The following FGGY variants were observed in gnomAD, a reference collection of about 807,000 sequenced individuals.
FGGY encodes FGGY carbohydrate kinase domain containing.
In FGGY, 72 loss-of-function variants were observed where a neutral mutation model predicts 71.3. The ratio of observed to expected loss-of-function variants is 1.01; its 90% CI spans 0.84 to 1.23. The LOEUF (loss-of-function observed/expected upper bound fraction) is 1.23. FGGY is among the 50% of genes most tolerant of loss of function. The probability of loss-of-function intolerance (pLI) is 0.00; values close to 1 mark genes in which losing one functional copy is unlikely to be tolerated. For synonymous variants in FGGY, 251 were observed against 250.3 expected (o/e 1.00, Z -0.02); for missense variants, 668 against 682.3 (o/e 0.98, Z 0.23).
intron 1 of FGGY, among the ~76,000 whole-genome samples, chr1:59,314,619 G>GA (rs1454435214): frequency 6.6e-6 from 1 of 152,174 alleles, no homozygotes; most frequent in Non-Finnish European, 1.5e-5. Flanking sequence ...CAAGCATCTG[G>GA]TTTCCTATTC....
At chr1:59,424,709 A>G (rs1353307643) in intron 5 of FGGY, among the ~76,000 whole-genome samples, 2 of 152,176 alleles carry the variant, frequency 1.3e-5, no homozygotes, top group African/African-American at 2.4e-5. Context: ...TTGTCTTGGC[A>G]ATTATGTCTT....
At chr1:59,652,967 T>C (rs2097179392) in intron 11 of FGGY, among the ~76,000 whole-genome samples, 1 of 151,972 alleles carries the variant, frequency 6.6e-6, no homozygotes, top group Non-Finnish European at 1.5e-5. Flanking sequence ...GTTTTCCTTC[T>C]AACAGACAGG....
intron 9 of FGGY, among the ~76,000 whole-genome samples, chr1:59,611,831 C>A (rs976713777): frequency 6.6e-6 from 1 of 152,164 alleles, no homozygotes; most frequent in Non-Finnish European, 1.5e-5. Flanking sequence ...AAAACCATGG[C>A]ACGAGAACTA....
At chr1:59,729,070 T>C (rs1220296463) in intron 14 of FGGY, among the ~76,000 whole-genome samples, 2 of 152,080 alleles carry the variant, frequency 1.3e-5, no homozygotes, top group Non-Finnish European at 2.9e-5. Context: ...CCCTCCATTC[T>C]TTTTTCTTTT....
chr1:59,716,752 T>A (rs1453036247), intron 14 of FGGY, among the ~76,000 whole-genome samples: 1 of 152,174 alleles, frequency 6.6e-6, no homozygotes, highest in Admixed American at 6.5e-5. Flanking sequence ...TCAAGTTTCC[T>A]GGTCAAATGT....
At chr1:59,481,109 T>C (rs1012528153) in intron 6 of FGGY, among the ~76,000 whole-genome samples, 1 of 152,228 alleles carries the variant, frequency 6.6e-6, no homozygotes, top group South Asian at 2.1e-4. Flanking sequence ...GACTTTTTTC[T>C]TAGTGACTTG....
intron 8 of FGGY, among the ~76,000 whole-genome samples, chr1:59,592,235 A>T (rs1362236692): frequency 6.6e-6 from 1 of 152,196 alleles, no homozygotes; most frequent in Non-Finnish European, 1.5e-5. Flanking sequence ...CCACAATGAG[A>T]TACCATCTCA....
chr1:59,532,137 A>C (rs975905441), intron 7 of FGGY, among the ~76,000 whole-genome samples: 1 of 152,212 alleles, frequency 6.6e-6, no homozygotes, highest in African/African-American at 2.4e-5. Flanking sequence ...GAGAAGATGG[A>C]GAATTCAGCA....
chr1:59,600,315 CA>C (rs2096564667), intron 8 of FGGY, among the ~76,000 whole-genome samples: 1 of 152,114 alleles, frequency 6.6e-6, no homozygotes, highest in Non-Finnish European at 1.5e-5. Flanking sequence ...TCTGACATGT[CA>C]AAAATATAAC....
At chr1:59,356,626 C>T (rs1335728203) in intron 4 of FGGY, among the ~76,000 whole-genome samples, 2 of 152,122 alleles carry the variant, frequency 1.3e-5, no homozygotes, top group Non-Finnish European at 2.9e-5. Flanking sequence ...GATGAATGAG[C>T]GGATGAACTT....
At chr1:59,488,386 G>A (rs1449098281) in intron 6 of FGGY, among the ~76,000 whole-genome samples, 1 of 151,472 alleles carries the variant, frequency 6.6e-6, no homozygotes, top group Non-Finnish European at 1.5e-5. Flanking sequence ...TGCATATTAA[G>A]TGTAAAAAAC....
chr1:59,546,123 A>G lies in FGGY; in HGVS notation c.800-8001A>G, dbSNP rs367590933. ...AAGATTGGAAGTTGTTGGTAGTAAC[A>G]TCAAAAATGGTGAAAATATATTGAG... On this transcript the variant is annotated intron_variant, in intron 7 of 15. Transcript: ENST00000303721. 4.3e-4 allele frequency among the ~76,000 whole-genome samples: 66 copies of G among 152,326 alleles called. 2 individuals carry two copies. In the South Asian group the frequency reaches 0.013, roughly 31 times the overall value.
intron 9 of FGGY, among the ~76,000 whole-genome samples, chr1:59,613,874 A>G (rs6682453): frequency 0.5 from 75,293 of 151,886 alleles, 20,046 homozygotes; most frequent in East Asian, 0.7. Flanking sequence ...AAACACCTCT[A>G]TGCAAATAAA....
chr1:59,590,642 A>C (rs1441652530), intron 8 of FGGY, among the ~76,000 whole-genome samples: 2 of 152,250 alleles, frequency 1.3e-5, no homozygotes, highest in Non-Finnish European at 2.9e-5. Context: ...ATATAGGCAA[A>C]TCAATAAATG....
intron 5 of FGGY, among the ~76,000 whole-genome samples, chr1:59,401,551 T>C (rs1223444318): frequency 6.6e-6 from 1 of 152,214 alleles, no homozygotes; most frequent in Non-Finnish European, 1.5e-5. Context: ...TATTTCTTGT[T>C]GAACAACCCC....
chr1:59,382,488 T>C (rs1167253932), intron 5 of FGGY, among the ~76,000 whole-genome samples: 31 of 151,852 alleles, frequency 2.0e-4, no homozygotes, highest in Admixed American at 2.0e-3. Flanking sequence ...CCTGGAGGAG[T>C]GTTCTCAACT....
intron 6 of FGGY, among the ~76,000 whole-genome samples, chr1:59,463,352 C>A (rs550143580): frequency 6.6e-6 from 1 of 152,162 alleles, no homozygotes; most frequent in Non-Finnish European, 1.5e-5. Flanking sequence ...ACAAGAGCTC[C>A]TGAAGGAAGC....
intron 6 of FGGY, among the ~76,000 whole-genome samples, chr1:59,464,721 C>G (rs2092499535): frequency 6.6e-6 from 1 of 152,080 alleles, no homozygotes; most frequent in Non-Finnish European, 1.5e-5. Flanking sequence ...TACAAACTAC[C>G]ATCAGAGAAC....
chr1:59,611,537 C>A (rs545889196), intron 9 of FGGY, among the ~76,000 whole-genome samples: 38 of 152,234 alleles, frequency 2.5e-4, no homozygotes, highest in African/African-American at 9.1e-4. Context: ...GATAAAACCA[C>A]AAAGATGGGG....
Sources: gnomAD v4.1 joint callset for allele counts (sites outside exome capture counted in the v4.1 genomes callset) on GRCh38, gnomAD v4.1.1 for gene constraint, MANE v1.5 for transcripts, NCBI Gene and HGNC (gene_info 2026-07-23, HGNC 2026-07-21) for gene names.